The following SLA variants were observed in gnomAD, a reference collection of about 807,000 sequenced individuals.
SLA encodes the protein Src like adaptor, also known as src-like-adapter.
SLA carries 16 observed loss-of-function variants against 30.3 expected under a neutral mutation model. That is an observed-to-expected ratio of 0.53 (90% CI 0.36 to 0.80). The LOEUF (loss-of-function observed/expected upper bound fraction) is 0.80. Ranked by LOEUF, SLA falls within the 30% of genes least tolerant of loss-of-function variation. The pLI is 0.01. For missense variants in SLA, 310 were observed against 345.2 expected (o/e 0.90, Z 0.81); for synonymous variants, 143 against 137.8 (o/e 1.04, Z -0.26).
chr8:133,055,544 C>T (rs118012833), intron 3 of SLA, among the ~76,000 whole-genome samples: 2,672 of 152,192 alleles, frequency 0.018, 37 homozygotes, highest in Non-Finnish European at 0.028. Flanking sequence ...GTTTGAGACC[C>T]GGTAGCCCAC....
chr8:133,049,650 A>G, intron 5 of SLA: 1 of 488,468 alleles, frequency 2.0e-6, no homozygotes, highest in South Asian at 2.2e-5. Flanking sequence ...ACTCTGTGCC[A>G]GGAGCACCAT....
intron 2 of SLA, among the ~76,000 whole-genome samples, chr8:133,072,658 C>T (rs1448467116): frequency 2.0e-5 from 3 of 152,186 alleles, no homozygotes; most frequent in African/African-American, 7.2e-5. Flanking sequence ...TCTATTAATG[C>T]AGGGCACTGA....
intron 2 of SLA, among the ~76,000 whole-genome samples, chr8:133,068,402 T>G (rs1448350737): frequency 1.3e-5 from 2 of 152,188 alleles, no homozygotes; most frequent in African/African-American, 4.8e-5. Context: ...GGGATGGAGG[T>G]GTCCTAGTGT....
intron 1 of SLA, among the ~76,000 whole-genome samples, chr8:133,089,699 C>T (rs908034847): frequency 2.0e-5 from 3 of 152,206 alleles, no homozygotes; most frequent in Non-Finnish European, 4.4e-5. Context: ...CATTCACTCA[C>T]TCATGCAATA....
chr8:133,056,465 C>T (rs1440647151), intron 3 of SLA, among the ~76,000 whole-genome samples: 1 of 152,154 alleles, frequency 6.6e-6, no homozygotes, highest in Non-Finnish European at 1.5e-5. Flanking sequence ...CGAGACGAGC[C>T]CATCCTCTTC....
chr8:133,056,636 C>T (rs1841485239), intron 3 of SLA, among the ~76,000 whole-genome samples: 1 of 152,178 alleles, frequency 6.6e-6, no homozygotes, highest in Non-Finnish European at 1.5e-5. Flanking sequence ...TCAGATTCTC[C>T]AACTGCAAAA....
At chr8:133,088,818 TG>T (rs773235096) in intron 1 of SLA, among the ~76,000 whole-genome samples, 1 of 152,218 alleles carries the variant, frequency 6.6e-6, no homozygotes, top group Non-Finnish European at 1.5e-5. Context: ...GTCCCTGTGA[TG>T]GAAGTTTTGC....
chr8:133,082,223 T>G (rs1845857238), intron 1 of SLA, among the ~76,000 whole-genome samples: 2 of 152,206 alleles, frequency 1.3e-5, no homozygotes, highest in Admixed American at 6.5e-5. Context: ...TTATCTTTTC[T>G]ATTGGTCTGA....
intron 3 of SLA, among the ~76,000 whole-genome samples, chr8:133,056,506 C>A (rs1445096121): frequency 1.3e-5 from 2 of 152,194 alleles, no homozygotes; most frequent in Non-Finnish European, 2.9e-5. Context: ...AAACCCTGTC[C>A]TTTCCAGGCA....
chr8:133,046,072 G>T (rs2131161681), intron 6 of SLA, among the ~76,000 whole-genome samples: 1 of 152,302 alleles, frequency 6.6e-6, no homozygotes, highest in East Asian at 1.9e-4. Flanking sequence ...ACCTGATATG[G>T]GTTGGTAAGA....
rs566730111 is a variant in SLA, at chr8:133,063,181, A to G, written c.-40-2981T>C. ...AATGCCTTCCTGTCCTTTCAGCCTG[A>G]CTCATCAACTGTCATTCAACACCTA... On this transcript the variant is annotated intron_variant, in intron 2 of 8. Transcript: ENST00000338087. Among the ~76,000 whole-genome samples the G allele has an allele frequency of 1.2e-3, 185 of 150,818 alleles. 1 individual carries two copies. Among genetic ancestry groups the G allele is most frequent in the Non-Finnish European group, 1.9e-3 (127 of 67,904 alleles).
intron 1 of SLA, among the ~76,000 whole-genome samples, chr8:133,098,607 G>A (rs1848792922): frequency 1.3e-5 from 2 of 152,178 alleles, no homozygotes; most frequent in African/African-American, 4.8e-5. Flanking sequence ...GGCCATCTTC[G>A]ACTTTTGAAA....
chr8:133,049,077 G>A (rs781074081), intron 5 of SLA: 4 of 441,436 alleles, frequency 9.1e-6, no homozygotes, highest in Non-Finnish European at 1.4e-5. Context: ...AGGAGGTGAA[G>A]CGACTTTTAC....
At chr8:133,075,274 A>T in intron 1 of SLA, 144 bp from the exon 2 acceptor site, 1 of 287,976 alleles carries the variant, frequency 3.5e-6, no homozygotes. Context: ...TTGCTCTTGT[A>T]CATCCCCAGA....
chr8:133,086,542 C>T (rs1846591528), intron 1 of SLA, among the ~76,000 whole-genome samples: 1 of 152,008 alleles, frequency 6.6e-6, no homozygotes, highest in Non-Finnish European at 1.5e-5. Context: ...TTTTTATTAT[C>T]TTTTTGATGA....
At chr8:133,051,723 A>G (rs1242502525) in intron 3 of SLA, among the ~76,000 whole-genome samples, 3 of 152,184 alleles carry the variant, frequency 2.0e-5, no homozygotes, top group Non-Finnish European at 2.9e-5. Context: ...TTCTATCCTT[A>G]GTGATTTGAT....
At chr8:133,045,387 CTTTTTTTTTTTTT>C (rs5895172) in intron 6 of SLA, among the ~76,000 whole-genome samples, 7 of 65,870 alleles carry the variant, frequency 1.1e-4, no homozygotes, top group Non-Finnish European at 1.5e-4. Context: ...ATCCTCTTTG[CTTTTTTTTTTTTT>C]TTTTTTTTTT....
intron 7 of SLA, among the ~76,000 whole-genome samples, chr8:133,042,550 G>GT (rs1255935842): frequency 6.6e-6 from 1 of 151,688 alleles, no homozygotes; most frequent in Non-Finnish European, 1.5e-5. Flanking sequence ...TCCCCATGTT[G>GT]TAAGTAAAAA....
chr8:133,057,355 T>C (rs1841636980), intron 3 of SLA, among the ~76,000 whole-genome samples: 1 of 152,228 alleles, frequency 6.6e-6, no homozygotes. Context: ...CAGAAGTATG[T>C]ATAGAATTGT....
Sources: allele counts gnomAD v4.1 joint callset (sites outside exome capture counted in the v4.1 genomes callset), GRCh38; gene constraint gnomAD v4.1.1; transcripts MANE v1.5; gene names NCBI Gene and HGNC (gene_info 2026-07-23, HGNC 2026-07-21).